ABCB6: variants seen among roughly 807,000 people sequenced by gnomAD.
The protein encoded by ABCB6 is ATP-binding cassette sub-family B member 6.
A neutral mutation model predicts 99.4 loss-of-function variants in ABCB6; 87 were observed. The ratio of observed to expected loss-of-function variants is 0.88; its 90% CI spans 0.74 to 1.05. The LOEUF is 1.05. Ranked by LOEUF, ABCB6 falls within the 50% of genes least tolerant of loss-of-function variation. The pLI, the probability that ABCB6 is intolerant of heterozygous loss-of-function variation, is 0.00. For missense variants in ABCB6, 1,050 were observed against 1,097.9 expected (o/e 0.96, Z 0.62); for synonymous variants, 482 against 447.5 (o/e 1.08, Z -0.97).
In ABCB6 at chr2:219,209,782, A is replaced by G; in HGVS notation, c.*156T>C. 2 of 703,486 alleles carry G rather than the reference A, an allele frequency of 2.8e-6. No individual in the cohort carries two copies. Among genetic ancestry groups the G allele is most frequent in the Non-Finnish European group, 2.6e-6 (1 of 391,796 alleles). 43.6% of individuals were successfully genotyped at this position (703,486 alleles called of 1,614,324 possible). On this transcript the variant is annotated 3_prime_UTR_variant, in exon 19 of 19. Coordinates refer to ENST00000265316, the MANE Select transcript of ABCB6 (RefSeq NM_005689.4). ...CCACAGTGATCCTCGCACAGTCCAC[A>G]TTTTTATTTCCCCAAAAGATGTTTT...
intron 6 of ABCB6, 22 bp downstream of exon 6, chr2:219,214,939 G>A (rs751447173): frequency 1.7e-5 from 27 of 1,613,440 alleles, no homozygotes; most frequent in East Asian, 2.2e-5. Context: ...TCAGGGAGAC[G>A]GTGTCTCCCA....
chr2:219,214,171 C>T lies in ABCB6; in HGVS notation c.1402G>A (p.Ala468Thr), dbSNP rs777270402. Reference protein sequence around the residue: ...LNFETVKYYNAESYEVERYRE... With the variant: ...LNFETVKYYNTESYEVERYRE... ...TAGCGTTCCACTTCGTAACTCTCGGCGTTGTAATACTTCACCTGATGAATT... is the reference window on the plus strand; with the variant it reads ...TAGCGTTCCACTTCGTAACTCTCGGTGTTGTAATACTTCACCTGATGAATT... Residue 468 changes from alanine (A) to threonine (T), a missense_variant, in exon 8 of 19, where the codon GCC becomes ACC. Transcript: ENST00000265316. 1.9e-6 allele frequency: 3 copies of T among 1,614,180 alleles called. No individual in the cohort carries two copies. Among genetic ancestry groups the T allele is most frequent in the Middle Eastern group, 1.6e-4 (1 of 6,062 alleles).
intron 13 of ABCB6, among the ~76,000 whole-genome samples, 186 bp downstream of exon 13, chr2:219,212,822 G>A (rs1341902418): frequency 1.3e-5 from 2 of 151,290 alleles, no homozygotes; most frequent in Admixed American, 6.6e-5. Context: ...GCAGCCGGCC[G>A]AGGCCCACTG....
rs1442205296 is a variant in ABCB6 at position 219,215,284 on chromosome 2, AGAC to A, written c.1155-205_1155-203del. 3 of 597,546 alleles carry A rather than the reference AGAC, an allele frequency of 5.0e-6. No individual in the cohort carries two copies. The East Asian group carries it at 8.9e-5, about 18-fold the overall frequency. 37.0% of individuals were successfully genotyped at this position (597,546 alleles called of 1,614,324 possible). On this transcript the variant is annotated intron_variant, in intron 5 of 18. Transcript: ENST00000265316. Reference sequence around the variant, plus strand: ...CTGTATCAATTACAATGAATGAGGGAGACCTTCAGGCATGGAAGAAAAATATAT... The same window carrying A: ...CTGTATCAATTACAATGAATGAGGGACTTCAGGCATGGAAGAAAAATATAT...
chr2:219,214,389 C>A lies in ABCB6; in HGVS notation c.1386G>T (p.Thr462=), dbSNP rs778740925. The A allele has an allele frequency of 6.2e-7, 1 of 1,613,090 alleles. No individual in the cohort carries two copies. Among genetic ancestry groups the A allele is most frequent in the Admixed American group, 1.7e-5 (1 of 60,016 alleles). The change falls in exon 7 of 19, where the codon ACG becomes ACT. Residue 462 remains threonine, a splice_region_variant and synonymous_variant. Coordinates refer to ENST00000265316, the MANE Select transcript of ABCB6 (RefSeq NM_005689.4). The part of the protein sequence containing the change: ...RAVDSLLNFE[T]VKYYNAESYE... ...CCACTGCCACCGGGCCCTCTGTTAC[C>A]GTCTCGAAGTTTAGCAGAGAGTCCA...
chr2:219,215,929 T>C, intron 5 of ABCB6, 68 bp downstream of exon 5: 3 of 1,442,150 alleles, frequency 2.1e-6, no homozygotes, highest in Non-Finnish European at 2.7e-6. Context: ...GTTCTCTTCC[T>C]CCCACGGGCC....
rs1574815846 is a variant in ABCB6, at chr2:219,216,293, G to A, written c.970+71C>T. 1 of 1,588,176 alleles carries A rather than the reference G, an allele frequency of 6.3e-7. No homozygotes were observed. The highest frequency in any genetic ancestry group is 8.6e-7 in the Non-Finnish European group (1 of 1,159,178). Reference sequence around the variant, plus strand: ...TGGGGGCTGGGGAGGAATGCTGGGAGAGGCGGATGCTGAGGGAATGCCTGT... The same window carrying A: ...TGGGGGCTGGGGAGGAATGCTGGGAAAGGCGGATGCTGAGGGAATGCCTGT... On this transcript the variant is annotated intron_variant, in intron 4 of 18. Transcript: ENST00000265316. The surrounding 1 kb of genome is among the most constrained non-coding windows in gnomAD (Gnocchi z 4.2).
intron 16 of ABCB6, 64 bp from the exon 17 acceptor site, chr2:219,210,539 C>A: frequency 1.3e-6 from 2 of 1,597,582 alleles, no homozygotes; most frequent in South Asian, 2.2e-5. Flanking sequence ...AGGAGGCAGG[C>A]TGCTGGCTGA....
chr2:219,215,911 CG>C (rs34125053), intron 5 of ABCB6, 85 bp downstream of exon 5: 3 of 1,366,570 alleles, frequency 2.2e-6, no homozygotes, highest in Non-Finnish European at 2.9e-6. Context: ...GCTTCTCAGG[CG>C]GGGTCTGTTC....
chr2:219,215,115 C>T, intron 5 of ABCB6, 33 bp from the exon 6 acceptor site: 5 of 1,613,616 alleles, frequency 3.1e-6, no homozygotes, highest in Non-Finnish European at 4.2e-6. Flanking sequence ...TAAGAAAGGT[C>T]TGGGGGCTTA....
rs958830633 is a variant in ABCB6 at position 219,218,517 on chromosome 2, G to A, written c.157C>T (p.Arg53Trp). The A allele has an allele frequency of 8.1e-6, 13 of 1,609,904 alleles. No homozygotes were observed. Among genetic ancestry groups the A allele is most frequent in the East Asian group, 2.2e-5 (1 of 44,722 alleles). ...ALVLALPCRR[R>W]ERPAGADSLS... is the part of the protein sequence containing the mutation. Reference sequence around the variant, plus strand: ...GAATCAGCACCAGCGGGCCGCTCCCGGCGTCTGCAGGGAAGAGCCAGCACC... The same window carrying A: ...GAATCAGCACCAGCGGGCCGCTCCCAGCGTCTGCAGGGAAGAGCCAGCACC... Residue 53 changes from arginine to tryptophan, a missense_variant, in exon 1 of 19, where the codon CGG becomes TGG. Coordinates refer to ENST00000265316, the MANE Select transcript of ABCB6 (RefSeq NM_005689.4).
In ABCB6 at chr2:219,217,675, T is replaced by C; in HGVS notation, c.682A>G (p.Ser228Gly). Reference sequence around the variant, plus strand: ...AAAAAGAAACTGAGGTGTACCTGGCTCCTTTCCACATCTTGGTCCTCTTCA... The same window carrying C: ...AAAAAGAAACTGAGGTGTACCTGGCCCCTTTCCACATCTTGGTCCTCTTCA... ...VHEEDQDVER[S>G]QVRSAAQQST... Residue 228 changes from serine (S) to glycine (G), a missense_variant, in exon 2 of 19, where the codon AGC becomes GGC. Transcript: ENST00000265316. 5.0e-6 allele frequency: 8 copies of C among 1,596,028 alleles called. No individual in the cohort carries two copies. Among genetic ancestry groups the C allele is most frequent in the Non-Finnish European group, 6.8e-6 (8 of 1,174,562 alleles).
Position 219,216,035 on chromosome 2 carries a change from G to T in ABCB6, c.1116C>A (p.Ile372=). The T allele has an allele frequency of 6.2e-7, 1 of 1,603,254 alleles. No homozygotes were observed. The highest frequency in any genetic ancestry group is 8.5e-7 in the Non-Finnish European group (1 of 1,173,728). ...LGRRTGEVLR[I]ADRGTSSVTG... ...TGACACTGGATGTGCCCCGATCCGCGATCCGCAGCACCTCCCCTGTGCGGC... is the reference window on the plus strand; with the variant it reads ...TGACACTGGATGTGCCCCGATCCGCTATCCGCAGCACCTCCCCTGTGCGGC... The change falls in exon 5 of 19, where the codon ATC becomes ATA. Residue 372 remains isoleucine (I), a synonymous_variant. Coordinates refer to ENST00000265316, the MANE Select transcript of ABCB6 (RefSeq NM_005689.4). This position sits in a 1 kb window ranked among gnomAD's most constrained non-coding sequence, Gnocchi z 4.2.
chr2:219,217,836 T>C, intron 1 of ABCB6, 29 bp from the exon 2 acceptor site: 1 of 1,605,294 alleles, frequency 6.2e-7, no homozygotes, highest in Non-Finnish European at 8.5e-7. Flanking sequence ...GGAGAGAGTA[T>C]CATTGAGGAT....
intron 7 of ABCB6, 101 bp downstream of exon 7, chr2:219,214,288 C>T: frequency 6.8e-7 from 1 of 1,474,636 alleles, no homozygotes; most frequent in Non-Finnish European, 9.5e-7. Context: ...AAACATCACA[C>T]ACAAACATCA....
chr2:219,212,517 C>A lies in ABCB6; in HGVS notation c.1864-26G>T, dbSNP rs545032341. 180 of 1,588,776 alleles carry A rather than the reference C, an allele frequency of 1.1e-4. 3 individuals are homozygous for A. The South Asian group carries it at 1.9e-3, about 17-fold the overall frequency. ...CTGTTGCATTGGAAATGGGAAAAAT[C>A]TCAGGCCCACTGGCTTTTTTTTTGA... is the stretch of plus-strand genomic sequence containing the variant. On this transcript the variant is annotated intron_variant, in intron 13 of 18. Coordinates refer to ENST00000265316, the MANE Select transcript of ABCB6 (RefSeq NM_005689.4).
chr2:219,215,935 G>A (rs1301007823), intron 5 of ABCB6, 62 bp downstream of exon 5: 19 of 1,450,190 alleles, frequency 1.3e-5, no homozygotes, highest in South Asian at 3.0e-5. Flanking sequence ...TTCCTCCCAC[G>A]GGCCCCTATC....
intron 6 of ABCB6, 187 bp downstream of exon 6, chr2:219,214,774 C>A (rs2106426561): frequency 2.9e-6 from 2 of 682,794 alleles, no homozygotes; most frequent in East Asian, 5.5e-5. Flanking sequence ...CCTTCCCCAG[C>A]CCCTCAGCTA....
chr2:219,215,152 T>A, intron 5 of ABCB6, 70 bp from the exon 6 acceptor site: 1 of 1,593,796 alleles, frequency 6.3e-7, no homozygotes, highest in Non-Finnish European at 8.6e-7. Flanking sequence ...CTCTAGGCAT[T>A]TCAGGGTAGT....
Sources: gnomAD v4.1 joint callset for allele counts (sites outside exome capture counted in the v4.1 genomes callset) on GRCh38, gnomAD v4.1.1 for gene constraint, Gnocchi (gnomAD v3.1) non-coding constraint, MANE v1.5 for transcripts, NCBI Gene and HGNC (gene_info 2026-07-23, HGNC 2026-07-21) for gene names.